Variants in SUGCT observed in about 807,000 individuals in gnomAD.
SUGCT encodes succinyl-CoA:glutarate CoA-transferase.
In SUGCT, 41 loss-of-function variants were observed where a neutral mutation model predicts 55.0. The ratio of observed to expected loss-of-function variants is 0.74; its 90% CI spans 0.58 to 0.97. The LOEUF is 0.97. Among genes scored for constraint, SUGCT ranks in the 50% least tolerant of loss-of-function variants. The pLI is 0.00. For synonymous variants in SUGCT, 187 were observed against 200.4 expected (o/e 0.93, Z 0.56); for missense variants, 568 against 547.8 (o/e 1.04, Z -0.37).
chr7:40,970,235 G>A, the SUGCT span, among the ~76,000 whole-genome samples: 2 of 152,000 alleles, frequency 1.3e-5, no homozygotes, highest in East Asian at 3.9e-4. Context: ...GCAATGACGC[G>A]ATGTCAACTC....
chr7:40,165,130 G>A (rs1416339055), intron 1 of SUGCT, among the ~76,000 whole-genome samples: 1 of 152,172 alleles, frequency 6.6e-6, no homozygotes, highest in African/African-American at 2.4e-5. Context: ...CATAAGGTCT[G>A]GTGGTTAAAT....
chr7:40,599,574 C>T (rs1421654307), intron 12 of SUGCT, among the ~76,000 whole-genome samples: 1 of 152,096 alleles, frequency 6.6e-6, no homozygotes. Context: ...TCTCTTCCTC[C>T]AAACTGCCCG....
chr7:40,222,992 TCC>T (rs767660783), intron 6 of SUGCT, among the ~76,000 whole-genome samples: 44,582 of 129,620 alleles, frequency 0.34, 7,033 homozygotes, highest in South Asian at 0.44. Flanking sequence ...TTTCTTTCCT[TCC>T]TTCCTTCCTT....
intron 9 of SUGCT, among the ~76,000 whole-genome samples, chr7:40,338,436 T>C (rs1796840941): frequency 6.6e-6 from 1 of 152,228 alleles, no homozygotes; most frequent in Non-Finnish European, 1.5e-5. Context: ...TCTTGGAGGC[T>C]TTGTTCGTCT....
At chr7:40,597,618 A>G (rs1290985417) in intron 12 of SUGCT, among the ~76,000 whole-genome samples, 1 of 152,144 alleles carries the variant, frequency 6.6e-6, no homozygotes, top group East Asian at 1.9e-4. Context: ...AGAGGGTTGT[A>G]TGTCATTTCC....
intron 11 of SUGCT, among the ~76,000 whole-genome samples, chr7:40,489,695 AAAC>A (rs1464723150): frequency 6.6e-6 from 1 of 152,114 alleles, no homozygotes; most frequent in Non-Finnish European, 1.5e-5. Context: ...ACAAAACAAA[AAAC>A]AAAAAACAAA....
chr7:40,911,583 A>T, the SUGCT span, among the ~76,000 whole-genome samples: 1 of 151,286 alleles, frequency 6.6e-6, no homozygotes, highest in East Asian at 2.0e-4. Flanking sequence ...AAAAAAAAAA[A>T]AGTCTCTCAA....
chr7:40,441,528 G>T (rs1399484683), intron 9 of SUGCT, among the ~76,000 whole-genome samples: 1 of 152,074 alleles, frequency 6.6e-6, no homozygotes, highest in Non-Finnish European at 1.5e-5. Context: ...TTTTGAAAAA[G>T]ATATTTTGTG....
the SUGCT span, among the ~76,000 whole-genome samples, chr7:40,963,516 C>T: frequency 1.3e-5 from 2 of 152,142 alleles, no homozygotes; most frequent in Non-Finnish European, 2.9e-5. Context: ...TTATGCCTTA[C>T]CTGGAGCCAA....
chr7:40,684,751 A>C (rs916653209), intron 12 of SUGCT, among the ~76,000 whole-genome samples: 1 of 152,172 alleles, frequency 6.6e-6, no homozygotes, highest in Non-Finnish European at 1.5e-5. Context: ...ATTTTGGTTA[A>C]ATAAGTAGCT....
chr7:40,244,465 C>T (rs1789680683), intron 7 of SUGCT, among the ~76,000 whole-genome samples: 1 of 152,148 alleles, frequency 6.6e-6, no homozygotes, highest in African/African-American at 2.4e-5. Flanking sequence ...TTTGGCAAGT[C>T]TTCAAGGTCA....
chr7:40,421,216 T>G (rs73324042), intron 9 of SUGCT, among the ~76,000 whole-genome samples: 16 of 152,326 alleles, frequency 1.1e-4, no homozygotes, highest in African/African-American at 3.4e-4. Flanking sequence ...CTTGAGCTAC[T>G]GCTTTTTCAG....
chr7:40,390,223 A>G (rs2151299569), intron 9 of SUGCT, among the ~76,000 whole-genome samples: 1 of 152,318 alleles, frequency 6.6e-6, no homozygotes, highest in South Asian at 2.1e-4. Context: ...GAAAACTGGC[A>G]CAAGACAGGG....
chr7:40,678,697 C>T (rs1784112462), intron 12 of SUGCT, among the ~76,000 whole-genome samples: 1 of 152,076 alleles, frequency 6.6e-6, no homozygotes. Context: ...TATAGTATAT[C>T]TAGATGAGAC....
At chr7:40,416,533 A>AT (rs1787010426) in intron 9 of SUGCT, among the ~76,000 whole-genome samples, 1 of 151,958 alleles carries the variant, frequency 6.6e-6, no homozygotes, top group South Asian at 2.1e-4. Context: ...AATCATAGAT[A>AT]TATAGAGATG....
chr7:40,621,832 A>G (rs1799279525), intron 12 of SUGCT, among the ~76,000 whole-genome samples: 1 of 152,226 alleles, frequency 6.6e-6, no homozygotes, highest in Admixed American at 6.5e-5. Flanking sequence ...TTTTTACGAT[A>G]GGCCAGATTT....
chr7:40,851,296 T>C (rs887102075), intron 13 of SUGCT, among the ~76,000 whole-genome samples: 5 of 151,392 alleles, frequency 3.3e-5, no homozygotes, highest in Non-Finnish European at 7.4e-5. Context: ...CTTTGTGATT[T>C]AGGCATTAAA....
At chr7:40,820,346 T>C (rs1791921267) in intron 13 of SUGCT, among the ~76,000 whole-genome samples, 1 of 152,140 alleles carries the variant, frequency 6.6e-6, no homozygotes, top group South Asian at 2.1e-4. Context: ...ATCTATAAAT[T>C]ACCTTGGGCA....
chr7:40,262,521 C>T lies in SUGCT; in HGVS notation c.577-11992C>T, dbSNP rs112921059. Among the ~76,000 whole-genome samples the T allele has an allele frequency of 6.7e-3, 1,003 of 149,960 alleles. 8 individuals are homozygous for T. The highest frequency in any genetic ancestry group is 0.022 in the African/African-American group (887 of 40,932). The stretch of plus-strand genomic sequence containing the variant: ...AAAAAAAAAAAAAAAAAAAATTAGC[C>T]GAGCGTGGTAGTGGGCCCTTGTAGT... On this transcript the variant is annotated intron_variant, in intron 7 of 13. Coordinates refer to ENST00000335693, the MANE Select transcript of SUGCT (RefSeq NM_001193313.2).
Sources: gnomAD v4.1 joint callset for allele counts (sites outside exome capture counted in the v4.1 genomes callset) on GRCh38, gnomAD v4.1.1 for gene constraint, MANE v1.5 for transcripts, NCBI Gene and HGNC (gene_info 2026-07-23, HGNC 2026-07-21) for gene names.